Variants in RBFOX1 observed in about 807,000 individuals in gnomAD.
RBFOX1 encodes the protein RNA binding fox-1 homolog 1.
A neutral mutation model predicts 57.7 loss-of-function variants in RBFOX1; 8 were observed. The observed-to-expected ratio is 0.14, with a 90% CI of 0.08 to 0.25. The LOEUF (loss-of-function observed/expected upper bound fraction) is 0.25. Ranked by LOEUF, RBFOX1 falls within the 10% of genes least tolerant of loss-of-function variation. The pLI, the probability that RBFOX1 is intolerant of heterozygous loss-of-function variation, is 1.00. For synonymous variants in RBFOX1, 326 were observed against 222.4 expected (o/e 1.47, Z -4.15); for missense variants, 611 against 548.5 (o/e 1.11, Z -1.14).
chr16:6,705,947 G>C (rs11077074), intron 3 of RBFOX1, among the ~76,000 whole-genome samples: 57,064 of 151,962 alleles, frequency 0.38, 11,308 homozygotes, highest in East Asian at 0.7. Flanking sequence ...GAGCCTGGGA[G>C]GTGGAGGCTA....
At chr16:5,652,128 C>T (rs1421770671) in intron 3 of RBFOX1, among the ~76,000 whole-genome samples, 4 of 151,946 alleles carry the variant, frequency 2.6e-5, no homozygotes, top group Admixed American at 2.6e-4. Context: ...AGTGAGACTC[C>T]ATCTAAAAAA....
chr16:6,411,827 A>G (rs1472978294), intron 2 of RBFOX1, among the ~76,000 whole-genome samples: 2 of 152,190 alleles, frequency 1.3e-5, no homozygotes, highest in African/African-American at 2.4e-5. Context: ...TATTTTCTCA[A>G]TAAAACAATC....
chr16:7,447,271 A>C (rs564123336), intron 4 of RBFOX1, among the ~76,000 whole-genome samples: 1 of 151,908 alleles, frequency 6.6e-6, no homozygotes, highest in African/African-American at 2.4e-5. Context: ...CATCTCTACT[A>C]AAAATACAAA....
intron 3 of RBFOX1, among the ~76,000 whole-genome samples, chr16:6,851,611 C>G (rs1052720781): frequency 6.6e-6 from 1 of 152,142 alleles, no homozygotes; most frequent in Non-Finnish European, 1.5e-5. Context: ...TCTTAATTAT[C>G]TTTACATGCC....
At chr16:7,319,611 C>G (rs1481926343) in intron 4 of RBFOX1, among the ~76,000 whole-genome samples, 1 of 152,114 alleles carries the variant, frequency 6.6e-6, no homozygotes, top group Non-Finnish European at 1.5e-5. Context: ...TCCTGGGCCT[C>G]AGAAGAGATT....
At chr16:5,410,753 G>A (rs996824624) in intron 1 of RBFOX1, among the ~76,000 whole-genome samples, 3 of 150,164 alleles carry the variant, frequency 2.0e-5, no homozygotes, top group Non-Finnish European at 4.4e-5. Flanking sequence ...TGTTCCTCCT[G>A]TTTACAATGC....
intron 3 of RBFOX1, among the ~76,000 whole-genome samples, chr16:6,669,864 C>A (rs1221690755): frequency 1.3e-5 from 2 of 152,072 alleles, no homozygotes; most frequent in South Asian, 2.1e-4. Flanking sequence ...TCTGATGGAG[C>A]CAGGGAGGTA....
rs769799290 is a variant in RBFOX1, at chr16:6,388,555, T to TAA, written c.-64+71499_-64+71500dup. 6.6e-5 allele frequency among the ~76,000 whole-genome samples: 10 copies of TAA among 152,228 alleles called. No homozygotes were observed. In the East Asian group the frequency reaches 1.5e-3, roughly 23 times the overall value. ...ATTTGTCGTGTGATATATATATATATAATGGAATACTACTCAGCCTTAAAA... is the reference window on the plus strand; with the variant it reads ...ATTTGTCGTGTGATATATATATATATAAAATGGAATACTACTCAGCCTTAAAA... On this transcript the variant is annotated intron_variant, in intron 2 of 15. Transcript: ENST00000550418.
chr16:5,252,731 G>T (rs1439596074), intron 1 of RBFOX1, among the ~76,000 whole-genome samples: 2 of 152,240 alleles, frequency 1.3e-5, no homozygotes, highest in African/African-American at 4.8e-5. Context: ...GAGCTCGGCT[G>T]CCCAGCCAGA....
chr16:7,171,482 A>G (rs1342698484), intron 4 of RBFOX1, among the ~76,000 whole-genome samples: 1 of 152,210 alleles, frequency 6.6e-6, no homozygotes, highest in Non-Finnish European at 1.5e-5. Flanking sequence ...AGGATTATAG[A>G]AAGAGATTTC....
chr16:5,504,418 T>A (rs1022425590), intron 2 of RBFOX1, among the ~76,000 whole-genome samples: 1 of 152,206 alleles, frequency 6.6e-6, no homozygotes, highest in Non-Finnish European at 1.5e-5. Flanking sequence ...TTCAGGCCAT[T>A]GAGAAGCAGT....
intron 4 of RBFOX1, among the ~76,000 whole-genome samples, chr16:7,452,730 A>G (rs2057617850): frequency 6.6e-6 from 1 of 152,226 alleles, no homozygotes; most frequent in Admixed American, 6.5e-5. Context: ...TTCTTAGGAT[A>G]AAGTCATAAC....
chr16:7,596,516 A>G (rs1334202735), intron 8 of RBFOX1, among the ~76,000 whole-genome samples: 1 of 152,060 alleles, frequency 6.6e-6, no homozygotes. Flanking sequence ...CATGCTGGCG[A>G]TGGTGGTGAA....
chr16:7,290,563 C>G (rs1271494376), intron 4 of RBFOX1, among the ~76,000 whole-genome samples: 1 of 152,192 alleles, frequency 6.6e-6, no homozygotes, highest in African/African-American at 2.4e-5. Flanking sequence ...TTAAATGAAT[C>G]TCAGAAACAT....
At position 6,860,832 on chromosome 16, in the gene RBFOX1, T is replaced by G. The variant is rs1053201805; in HGVS notation, c.-15-191225T>G. Among the ~76,000 whole-genome samples, 11 of 152,308 alleles carry G rather than the reference T, an allele frequency of 7.2e-5. 1 individual carries two copies. Among genetic ancestry groups the G allele is most frequent in the East Asian group, 1.9e-4 (1 of 5,184 alleles). On this transcript the variant is annotated intron_variant, in intron 3 of 15. Coordinates refer to ENST00000550418, the MANE Select transcript of RBFOX1 (RefSeq NM_018723.4). ...TATGACATCATTTATGTACAGTTTT[T>G]GGACACAGTAAAATGTTTTCAAAAA...
chr16:6,769,611 A>T (rs370122992), intron 3 of RBFOX1, among the ~76,000 whole-genome samples: 1 of 152,212 alleles, frequency 6.6e-6, no homozygotes, highest in Admixed American at 6.5e-5. Context: ...AGACTTCTCT[A>T]TGGCATCTCC....
chr16:7,168,451 C>A (rs1224272549), intron 4 of RBFOX1, among the ~76,000 whole-genome samples: 1 of 152,152 alleles, frequency 6.6e-6, no homozygotes, highest in Admixed American at 6.5e-5. Context: ...AATTCGTGAA[C>A]CTCATTGGCG....
intron 3 of RBFOX1, among the ~76,000 whole-genome samples, chr16:6,941,519 G>T (rs192902577): frequency 6.6e-6 from 1 of 152,110 alleles, no homozygotes; most frequent in East Asian, 1.9e-4. Context: ...AGGGGACCCT[G>T]CTGGTGGGTT....
chr16:7,419,592 G>C (rs990553182), intron 4 of RBFOX1, among the ~76,000 whole-genome samples: 2 of 152,230 alleles, frequency 1.3e-5, no homozygotes, highest in Admixed American at 1.3e-4. Flanking sequence ...TGCCTAATTA[G>C]CTGTTGATAA....
Sources: gnomAD v4.1 joint callset for allele counts (sites outside exome capture counted in the v4.1 genomes callset) on GRCh38, gnomAD v4.1.1 for gene constraint, MANE v1.5 for transcripts, NCBI Gene and HGNC (gene_info 2026-07-23, HGNC 2026-07-21) for gene names.